ULK4: variants seen among roughly 807,000 people sequenced by gnomAD.
ULK4 encodes the protein unc-51 like kinase 4.
A neutral mutation model predicts 160.6 loss-of-function variants in ULK4; 133 were observed. The ratio of observed to expected loss-of-function variants is 0.83; its 90% CI spans 0.72 to 0.96. The LOEUF (loss-of-function observed/expected upper bound fraction) is 0.96, where lower values mean the gene tolerates loss of function less well. ULK4 is among the 40% of genes least tolerant of loss of function. The probability of loss-of-function intolerance (pLI) is 0.00; values close to 1 mark genes in which losing one functional copy is unlikely to be tolerated. For synonymous variants in ULK4, 534 were observed against 539.8 expected, an observed-to-expected ratio of 0.99 and a Z score of 0.15; for missense variants, 1,580 against 1,499.5, an observed-to-expected ratio of 1.05 and a Z score of -0.89.
chr3:41,936,621 T>C (rs1699783168), intron 3 of ULK4, among the ~76,000 whole-genome samples: 2 of 152,144 alleles, frequency 1.3e-5, no homozygotes, highest in African/African-American at 2.4e-5. Context: ...AACAACACAG[T>C]TGGAACTGGA....
At position 41,297,279 on chromosome 3, in the gene ULK4, G is replaced by A. The variant is rs147148302; in HGVS notation, c.3679-47705C>T. On this transcript the variant is annotated intron_variant, in intron 35 of 36. Coordinates refer to ENST00000301831, the MANE Select transcript of ULK4 (RefSeq NM_017886.4). ...CTGAAACCCTAGCCCCTGCTTCTCT[G>A]CAATCACTGGGCGGGGGGTTGGAGG... 3.5e-3 allele frequency among the ~76,000 whole-genome samples: 530 copies of A among 152,294 alleles called. 2 individuals are homozygous for A. The highest frequency in any genetic ancestry group is 6.8e-3 in the Middle Eastern group (2 of 294).
intron 33 of ULK4, among the ~76,000 whole-genome samples, chr3:41,461,709 TGTA>T (rs1285994090): frequency 1.3e-5 from 2 of 152,176 alleles, no homozygotes; most frequent in African/African-American, 2.4e-5. Flanking sequence ...CCTAATCACT[TGTA>T]GTAAAAAAAA....
chr3:41,370,998 T>C (rs1197292896), intron 35 of ULK4, among the ~76,000 whole-genome samples: 10 of 152,072 alleles, frequency 6.6e-5, no homozygotes, highest in Non-Finnish European at 1.2e-4. Context: ...AGTAGGTGGT[T>C]TTCCCTTCAC....
intron 34 of ULK4, among the ~76,000 whole-genome samples, chr3:41,440,485 A>C (rs2083139264): frequency 6.6e-6 from 1 of 152,122 alleles, no homozygotes; most frequent in Non-Finnish European, 1.5e-5. Context: ...TATTAAACCA[A>C]TCCTGCATTA....
At chr3:41,654,347 C>T (rs1006163377) in intron 30 of ULK4, among the ~76,000 whole-genome samples, 1 of 152,222 alleles carries the variant, frequency 6.6e-6, no homozygotes, top group Admixed American at 6.5e-5. Flanking sequence ...CAACCATTAG[C>T]AGTTGAATCA....
chr3:41,342,082 T>C (rs537680490), intron 35 of ULK4, among the ~76,000 whole-genome samples: 3 of 152,272 alleles, frequency 2.0e-5, no homozygotes, highest in African/African-American at 7.2e-5. Flanking sequence ...CATAATGGTT[T>C]AATAAGTTTC....
At chr3:41,348,905 T>C (rs1390073457) in intron 35 of ULK4, among the ~76,000 whole-genome samples, 2 of 152,158 alleles carry the variant, frequency 1.3e-5, no homozygotes, top group Non-Finnish European at 2.9e-5. Context: ...GCCCAGAGAC[T>C]CCAGAGAAGT....
chr3:41,459,848 G>A (rs1166244197), intron 33 of ULK4, among the ~76,000 whole-genome samples: 1 of 152,162 alleles, frequency 6.6e-6, no homozygotes, highest in Non-Finnish European at 1.5e-5. Flanking sequence ...GAGCTGGAAA[G>A]GTACCCTGGG....
chr3:41,789,715 T>A lies in ULK4; in HGVS notation c.2139A>T (p.Leu713Phe). ...TCCCACAGGACAACATGGCAGCGAA[T>A]AAGGTCAACATGTACTGCTGAACTT... ...ICKVQQYMLTLFAAMLSCGIH... is the reference protein window; with the variant it reads ...ICKVQQYMLTFFAAMLSCGIH... Residue 713 changes from leucine (L) to phenylalanine (F), a missense_variant, in exon 21 of 37, where the codon TTA becomes TTT. Physicochemically the swap from Leu to Phe is conservative, Grantham distance 22. Transcript: ENST00000301831. 1 of 1,611,940 alleles carries A rather than the reference T, an allele frequency of 6.2e-7. No homozygotes were observed. Among genetic ancestry groups the A allele is most frequent in the Non-Finnish European group, 8.5e-7 (1 of 1,179,036 alleles).
At chr3:41,410,745 T>G (rs2082394238) in intron 34 of ULK4, among the ~76,000 whole-genome samples, 1 of 152,210 alleles carries the variant, frequency 6.6e-6, no homozygotes, top group African/African-American at 2.4e-5. Flanking sequence ...TCTAATTCAT[T>G]CTCTGAGTTC....
At chr3:41,854,050 G>C (rs899631580) in intron 17 of ULK4, 3 of 152,124 alleles carry the variant, frequency 2.0e-5, no homozygotes, top group Non-Finnish European at 4.4e-5. Flanking sequence ...TCTGCCAGAG[G>C]CCACACTTCC....
intron 18 of ULK4, among the ~76,000 whole-genome samples, chr3:41,826,605 C>A (rs1235953055): frequency 6.9e-6 from 1 of 145,862 alleles, no homozygotes; most frequent in Non-Finnish European, 1.5e-5. Flanking sequence ...ACAAGAAGAG[C>A]TAACTATCCT....
chr3:41,370,355 C>T (rs1016762612), intron 35 of ULK4, among the ~76,000 whole-genome samples: 2 of 152,136 alleles, frequency 1.3e-5, no homozygotes, highest in Non-Finnish European at 2.9e-5. Flanking sequence ...TGGGGATTAC[C>T]AGGCAAGATG....
Position 41,398,168 on chromosome 3 carries a change from G to A in ULK4, c.3589C>T (p.Pro1197Ser), listed in dbSNP as rs767573082. The A allele has an allele frequency of 1.2e-6, 2 of 1,613,538 alleles. No individual in the cohort carries two copies. The highest frequency in any genetic ancestry group is 1.1e-5 in the South Asian group (1 of 91,058). ...TGAGCAAAAATTTCCACATTTTCAG[G>A]AGAGAGGCTGTCCGGGTTTTCCCCT... Reference protein sequence around the residue: ...YGGENPDSLSPENVEIFAHLL... With the variant: ...YGGENPDSLSSENVEIFAHLL... The change falls in exon 35 of 37, where the codon CCT becomes TCT. Residue 1197 changes from proline to serine, a missense_variant. By Grantham distance (74) the Pro-to-Ser change is moderately conservative. Transcript: ENST00000301831.
chr3:41,597,840 G>A (rs932839274), intron 31 of ULK4, among the ~76,000 whole-genome samples: 54 of 152,230 alleles, frequency 3.5e-4, no homozygotes, highest in African/African-American at 1.2e-3. Context: ...TAGTGGAGGC[G>A]AAGTCTACTT....
chr3:41,798,015 G>A (rs1158593264), intron 20 of ULK4, among the ~76,000 whole-genome samples: 1 of 152,062 alleles, frequency 6.6e-6, no homozygotes, highest in Admixed American at 6.5e-5. Context: ...AGAAAAAGGA[G>A]ACACTGTTGG....
At position 41,639,238 on chromosome 3, in the gene ULK4, T is replaced by C. The variant is rs754979286; in HGVS notation, c.3072-23521A>G. ...ACCCAATAACCACATAAACACAAAA[T>C]ATAACGACACCATAGAAATTCTTTG... On this transcript the variant is annotated intron_variant, in intron 30 of 36. Coordinates refer to ENST00000301831, the MANE Select transcript of ULK4 (RefSeq NM_017886.4). 3.3e-5 allele frequency among the ~76,000 whole-genome samples: 5 copies of C among 152,274 alleles called. No homozygotes were observed. In the South Asian group the frequency reaches 1.0e-3, roughly 32 times the overall value.
intron 35 of ULK4, among the ~76,000 whole-genome samples, chr3:41,333,384 A>G (rs1313130686): frequency 6.6e-6 from 1 of 152,202 alleles, no homozygotes; most frequent in African/African-American, 2.4e-5. Context: ...ACAGAGACAT[A>G]CTGTAAATTG....
At chr3:41,369,476 T>C (rs921506185) in intron 35 of ULK4, among the ~76,000 whole-genome samples, 2 of 138,312 alleles carry the variant, frequency 1.4e-5, no homozygotes, top group Non-Finnish European at 3.0e-5. Flanking sequence ...TCTGGGCAAA[T>C]GGAGTGAGAC....
Sources: allele counts gnomAD v4.1 joint callset (sites outside exome capture counted in the v4.1 genomes callset), GRCh38; gene constraint gnomAD v4.1.1; transcripts MANE v1.5; gene names NCBI Gene and HGNC (gene_info 2026-07-23, HGNC 2026-07-21).